UTP6: variants seen among roughly 807,000 people sequenced by gnomAD.
UTP6 encodes U3 small nucleolar RNA-associated protein 6 homolog.
In UTP6, 60 loss-of-function variants were observed where a neutral mutation model predicts 96.5. The observed-to-expected ratio is 0.62, with a 90% confidence interval of 0.51 to 0.77. The LOEUF (loss-of-function observed/expected upper bound fraction) is 0.77. UTP6 is among the 30% of genes least tolerant of loss of function. The pLI, the probability that UTP6 is intolerant of heterozygous loss-of-function variation, is 0.00. For missense variants in UTP6, 637 were observed against 706.5 expected (o/e 0.90, Z 1.12); for synonymous variants, 215 against 240.1 (o/e 0.90, Z 0.96).
intron 13 of UTP6, among the ~76,000 whole-genome samples, chr17:31,876,424 C>G (rs1302282188): frequency 1.3e-5 from 2 of 150,458 alleles, no homozygotes; most frequent in African/African-American, 4.9e-5. Context: ...GCAGGCAGAT[C>G]ACCTAAGGTC....
chr17:31,870,962 C>G (rs1205204428), intron 16 of UTP6, among the ~76,000 whole-genome samples: 1 of 150,788 alleles, frequency 6.6e-6, no homozygotes. Flanking sequence ...ATCACAGGCA[C>G]ATGCCATGAC....
intron 17 of UTP6, among the ~76,000 whole-genome samples, chr17:31,866,148 G>A (rs191019129): frequency 2.1e-3 from 314 of 151,930 alleles, no homozygotes; most frequent in African/African-American, 7.1e-3. Context: ...TTAGCCAGGC[G>A]TGGTGGCGGG....
intron 16 of UTP6, among the ~76,000 whole-genome samples, chr17:31,871,867 G>C (rs1019134246): frequency 2.0e-5 from 3 of 151,916 alleles, no homozygotes; most frequent in Non-Finnish European, 2.9e-5. Context: ...CACTCAGCCT[G>C]GGCAACAGAG....
Position 31,885,980 on chromosome 17 carries a change from C to T in UTP6, c.703G>A (p.Gly235Ser). 3.1e-6 allele frequency: 5 copies of T among 1,611,556 alleles called. No homozygotes were observed. The highest frequency in any genetic ancestry group is 4.2e-6 in the Non-Finnish European group (5 of 1,179,066). The part of the protein sequence containing the change: ...IYKNSVSIIK[G>S]AEFHVSLLSI... ...AAAATAATGTTCAAAAGATACCTAC[C>T]TTTAATTATGCTTACAGAATTTTTG... The change falls in exon 9 of 19, where the codon GGT becomes AGT. Residue 235 changes from glycine (G) to serine (S), a missense_variant and splice_region_variant. By Grantham distance (56) the Gly-to-Ser change is moderately conservative. Coordinates refer to ENST00000261708, the MANE Select transcript of UTP6 (RefSeq NM_018428.3).
rs1261686753 is a variant in UTP6, at chr17:31,889,301, G to A, written c.527C>T (p.Pro176Leu). ...CACACTCACTTCTTTATAAAGTTTT[G>A]GGCACTCTGGATGAAAGCGCAGTGC... ...LRALRFHPECPKLYKEYFRME... is the reference protein window; with the variant it reads ...LRALRFHPECLKLYKEYFRME... The change falls in exon 7 of 19, where the codon CCA (proline) becomes CTA (leucine). Residue 176 changes from proline (P) to leucine (L), a missense_variant. Transcript: ENST00000261708. 1.2e-6 allele frequency: 2 copies of A among 1,612,422 alleles called. No individual in the cohort carries two copies. The highest frequency in any genetic ancestry group is 3.3e-5 in the Admixed American group (2 of 59,816).
At chr17:31,898,931 A>C (rs6505267) in intron 2 of UTP6, among the ~76,000 whole-genome samples, 35,532 of 151,194 alleles carry the variant, frequency 0.24, 4,509 homozygotes, top group African/African-American at 0.33. Flanking sequence ...ACTGAGGAGG[A>C]TGAGACTTGA....
At chr17:31,889,493 CA>C in intron 6 of UTP6, 90 bp from the exon 7 acceptor site, 7 of 670,818 alleles carry the variant, frequency 1.0e-5, no homozygotes, top group Non-Finnish European at 1.2e-5. Context: ...AATACTCGCA[CA>C]ATTTTTTTTT....
In UTP6 at chr17:31,899,678, G is replaced by C. The variant is rs146195806; in HGVS notation, c.145C>G (p.Leu49Val). Reference protein sequence around the residue: ...DLEYKIQRRTLFKEDFINYVQ... With the variant: ...DLEYKIQRRTVFKEDFINYVQ... Reference sequence around the variant, plus strand: ...TAATTGATAAAGTCTTCCTTGAAAAGGGTTCTTCTCTGGATTTTGTACTCT... The same window carrying C: ...TAATTGATAAAGTCTTCCTTGAAAACGGTTCTTCTCTGGATTTTGTACTCT... The change falls in exon 2 of 19, where the codon CTT becomes GTT. Residue 49 changes from leucine to valine, a missense_variant. Leu to Val is a conservative substitution (Grantham distance 32). Coordinates refer to ENST00000261708, the MANE Select transcript of UTP6 (RefSeq NM_018428.3). 6 of 1,605,970 alleles carry C rather than the reference G, an allele frequency of 3.7e-6. No individual in the cohort carries two copies. The highest frequency in any genetic ancestry group is 4.2e-6 in the Non-Finnish European group (5 of 1,176,518).
chr17:31,895,074 G>A, intron 2 of UTP6, 63 bp from the exon 3 acceptor site: 2 of 1,253,024 alleles, frequency 1.6e-6, no homozygotes, highest in East Asian at 2.7e-5. Context: ...TTAAATACTG[G>A]AAATTTAGTT....
At chr17:31,872,137 G>A (rs540298400) in intron 16 of UTP6, among the ~76,000 whole-genome samples, 21 of 151,222 alleles carry the variant, frequency 1.4e-4, no homozygotes, top group Non-Finnish European at 2.8e-4. Context: ...AGAAGTTGCA[G>A]TGAGCCGAGA....
chr17:31,889,460 A>G (rs920035109), intron 6 of UTP6, 57 bp from the exon 7 acceptor site: 3 of 1,418,848 alleles, frequency 2.1e-6, no homozygotes, highest in Non-Finnish European at 1.9e-6. Context: ...TCAGACAAGA[A>G]AAGAACCAAA....
At chr17:31,887,381 G>T in intron 7 of UTP6, 68 bp from the exon 8 acceptor site, 1 of 1,330,850 alleles carries the variant, frequency 7.5e-7, no homozygotes, top group Non-Finnish European at 1.1e-6. Context: ...ACAGGGTCTT[G>T]CTCTGTCACC....
intron 4 of UTP6, among the ~76,000 whole-genome samples, chr17:31,893,263 A>G (rs1156399554): frequency 6.6e-6 from 1 of 151,358 alleles, no homozygotes; most frequent in East Asian, 1.9e-4. Context: ...ACTCAAAAAA[A>G]CAAACAAAAA....
At chr17:31,873,833 T>C in intron 14 of UTP6, 80 bp from the exon 15 acceptor site, 1 of 1,448,274 alleles carries the variant, frequency 6.9e-7, no homozygotes, top group Non-Finnish European at 9.3e-7. Flanking sequence ...ATGTAAAATA[T>C]TATGTATCAA....
At position 31,873,762 on chromosome 17, in the gene UTP6, A is replaced by G; in HGVS notation, c.1306-9T>C. On this transcript the variant is annotated splice_polypyrimidine_tract_variant and intron_variant, in intron 14 of 18. Transcript: ENST00000261708. ...CACAATGGCAGACAAACCTACTCCC[A>G]GTTTAAAAAATGTTAGTTAGAGAAC... 1.2e-6 allele frequency: 2 copies of G among 1,601,456 alleles called. No homozygotes were observed. Among genetic ancestry groups the G allele is most frequent in the East Asian group, 2.2e-5 (1 of 44,848 alleles).
intron 10 of UTP6, among the ~76,000 whole-genome samples, chr17:31,883,180 C>T (rs1419092089): frequency 6.6e-6 from 1 of 151,622 alleles, no homozygotes; most frequent in Non-Finnish European, 1.5e-5. Flanking sequence ...TAATTAAAAA[C>T]ATAAATAAAT....
chr17:31,885,566 G>C (rs979348891), intron 9 of UTP6, among the ~76,000 whole-genome samples: 1 of 151,946 alleles, frequency 6.6e-6, no homozygotes, highest in Non-Finnish European at 1.5e-5. Flanking sequence ...AAGGCGGGCA[G>C]GTCACAAGGT....
chr17:31,901,678 G>T lies in UTP6; in HGVS notation c.-51C>A. On this transcript the variant is annotated 5_prime_UTR_variant, in exon 1 of 19. Coordinates refer to ENST00000261708, the MANE Select transcript of UTP6 (RefSeq NM_018428.3). ...GGTAGCTTCTCAACAGCGAACACGA[G>T]CAGGAAGCTCCCGGTTTCAGGTTCG... 1 of 1,574,658 alleles carries T rather than the reference G, an allele frequency of 6.4e-7. No individual in the cohort carries two copies. Among genetic ancestry groups the T allele is most frequent in the Non-Finnish European group, 8.7e-7 (1 of 1,149,544 alleles).
intron 13 of UTP6, among the ~76,000 whole-genome samples, chr17:31,877,324 GA>G (rs1405266406): frequency 6.6e-6 from 1 of 152,108 alleles, no homozygotes; most frequent in Non-Finnish European, 1.5e-5. Context: ...ACAAATTTGT[GA>G]AAAATTAAAT....
Sources: gnomAD v4.1 joint callset for allele counts (sites outside exome capture counted in the v4.1 genomes callset) on GRCh38, gnomAD v4.1.1 for gene constraint, MANE v1.5 for transcripts, NCBI Gene and HGNC (gene_info 2026-07-23, HGNC 2026-07-21) for gene names.